The following SHISA9 variants were observed in gnomAD, a reference collection of about 807,000 sequenced individuals.
The protein encoded by SHISA9 is shisa family member 9.
Under a neutral mutation model 38.0 loss-of-function variants are expected in SHISA9, and 13 were observed. That is an observed-to-expected ratio of 0.34 (90% CI 0.22 to 0.54). The LOEUF is 0.54. Among genes scored for constraint, SHISA9 ranks in the 20% least tolerant of loss-of-function variants. SHISA9 has a pLI of 0.91. For synonymous variants in SHISA9, 275 were observed against 242.0 expected (o/e 1.14, Z -1.27); for missense variants, 538 against 575.8 (o/e 0.93, Z 0.67).
chr16:13,019,885 T>TCC (rs1245204327), intron 2 of SHISA9, among the ~76,000 whole-genome samples: 1 of 7,402 alleles, frequency 1.4e-4, no homozygotes, highest in Non-Finnish European at 2.8e-4. Flanking sequence ...CCTCCCTCCC[T>TCC]TCTTTCTTTC....
intron 2 of SHISA9, among the ~76,000 whole-genome samples, chr16:13,159,942 A>G (rs1010959296): frequency 2.0e-5 from 3 of 152,290 alleles, no homozygotes; most frequent in African/African-American, 7.2e-5. Context: ...AAAGTAAGTC[A>G]TAAAACCAAC....
At chr16:12,951,038 A>G (rs1407681483) in intron 2 of SHISA9, among the ~76,000 whole-genome samples, 2 of 150,628 alleles carry the variant, frequency 1.3e-5, no homozygotes, top group South Asian at 2.1e-4. Flanking sequence ...CCTGGCCTAC[A>G]TGGTGAAACC....
chr16:13,513,112 G>C, the SHISA9 span, among the ~76,000 whole-genome samples: 3 of 152,310 alleles, frequency 2.0e-5, no homozygotes, highest in Admixed American at 2.0e-4. Context: ...ATACCCATCT[G>C]ACAAAGATCT....
chr16:13,054,781 G>T lies in SHISA9; in HGVS notation c.691+137966G>T, dbSNP rs2173861. On this transcript the variant is annotated intron_variant, in intron 2 of 4. Coordinates refer to ENST00000558583, the MANE Select transcript of SHISA9 (RefSeq NM_001145204.3). ...TCTCTGCACCTCCAGCCCCTCTCATGAGTGATGTTCAACTTGCTCTCTGCC... is the reference window on the plus strand; with the variant it reads ...TCTCTGCACCTCCAGCCCCTCTCATTAGTGATGTTCAACTTGCTCTCTGCC... Among the ~76,000 whole-genome samples the T allele has an allele frequency of 5.4e-3, 820 of 152,314 alleles. 24 individuals are homozygous for T. In the East Asian group the frequency reaches 0.09, roughly 17 times the overall value.
At chr16:13,390,107 T>G in the SHISA9 span, among the ~76,000 whole-genome samples, 1 of 120,754 alleles carries the variant, frequency 8.3e-6, no homozygotes, top group Non-Finnish European at 1.7e-5. Context: ...TTAAATACTA[T>G]GTGGGTTTTT....
chr16:12,958,910 T>C (rs2071871843), intron 2 of SHISA9, among the ~76,000 whole-genome samples: 1 of 152,200 alleles, frequency 6.6e-6, no homozygotes, highest in East Asian at 1.9e-4. Context: ...CTTTCTCCCA[T>C]GAGAGTTGGG....
At chr16:12,969,363 T>C (rs2072024058) in intron 2 of SHISA9, among the ~76,000 whole-genome samples, 2 of 150,986 alleles carry the variant, frequency 1.3e-5, no homozygotes, top group South Asian at 2.1e-4. Context: ...TTTTTTTTTT[T>C]CTGTCTGGGT....
intron 2 of SHISA9, among the ~76,000 whole-genome samples, chr16:12,970,483 ATATATATATATATATT>A (rs2072061607): frequency 4.4e-5 from 1 of 22,884 alleles, no homozygotes; most frequent in African/African-American, 1.6e-4. Flanking sequence ...ATATATATAT[ATATATATATATATATT>A]TTTTTTTTTT....
At chr16:13,266,957 A>G in the SHISA9 span, among the ~76,000 whole-genome samples, 2 of 152,250 alleles carry the variant, frequency 1.3e-5, no homozygotes. Context: ...CCTTCTAGAT[A>G]AAGCCAACGG....
the SHISA9 span, among the ~76,000 whole-genome samples, chr16:13,353,759 T>A: frequency 2.6e-5 from 4 of 152,158 alleles, no homozygotes; most frequent in African/African-American, 9.7e-5. Flanking sequence ...AGTTGGTGGC[T>A]GAGCTTGGTG....
At chr16:13,403,678 T>C in the SHISA9 span, among the ~76,000 whole-genome samples, 253 of 152,344 alleles carry the variant, frequency 1.7e-3, 5 homozygotes, top group East Asian at 0.035. Context: ...AAACACATTA[T>C]TAACATTAAA....
At chr16:13,431,316 C>T in the SHISA9 span, among the ~76,000 whole-genome samples, 1 of 152,258 alleles carries the variant, frequency 6.6e-6, no homozygotes, top group African/African-American at 2.4e-5. Context: ...TGGGCAAATA[C>T]TCAGATGGGT....
chr16:13,367,706 GCGCGCGCACACACACACACACA>G, the SHISA9 span, among the ~76,000 whole-genome samples: 1 of 115,612 alleles, frequency 8.6e-6, no homozygotes, highest in African/African-American at 3.7e-5. Flanking sequence ...GTGCGCGCGC[GCGCGCGCACACACACACACACA>G]CACACACACA....
At chr16:13,544,065 G>A in the SHISA9 span, among the ~76,000 whole-genome samples, 1 of 151,902 alleles carries the variant, frequency 6.6e-6, no homozygotes, top group Admixed American at 6.6e-5. Context: ...AAGTGTAAAG[G>A]GTATGACATT....
chr16:13,052,881 G>A (rs1471011282), intron 2 of SHISA9, among the ~76,000 whole-genome samples: 3 of 151,848 alleles, frequency 2.0e-5, no homozygotes, highest in African/African-American at 7.3e-5. Flanking sequence ...CTGAGGCTTG[G>A]AGAATTTAAG....
chr16:13,311,038 T>C, the SHISA9 span, among the ~76,000 whole-genome samples: 5 of 152,094 alleles, frequency 3.3e-5, no homozygotes, highest in South Asian at 2.1e-4. Context: ...CTAAGGATGA[T>C]TTCAGGTTGT....
chr16:13,329,123 C>G, the SHISA9 span, among the ~76,000 whole-genome samples: 1 of 152,086 alleles, frequency 6.6e-6, no homozygotes, highest in African/African-American at 2.4e-5. Flanking sequence ...AGGCAAAGGC[C>G]CCATTTGCAT....
chr16:13,301,149 T>C, the SHISA9 span, among the ~76,000 whole-genome samples: 1 of 152,172 alleles, frequency 6.6e-6, no homozygotes, highest in Non-Finnish European at 1.5e-5. Flanking sequence ...GAATTTGTGG[T>C]GCCGACCATC....
chr16:13,334,713 G>T, the SHISA9 span, among the ~76,000 whole-genome samples: 181 of 147,658 alleles, frequency 1.2e-3, no homozygotes, highest in African/African-American at 3.9e-3. Flanking sequence ...GGCAGAGGTT[G>T]CAGTGAGCTG....
Sources: allele counts gnomAD v4.1 joint callset (sites outside exome capture counted in the v4.1 genomes callset), GRCh38; gene constraint gnomAD v4.1.1; transcripts MANE v1.5; gene names NCBI Gene and HGNC (gene_info 2026-07-23, HGNC 2026-07-21).